WDR45: variants seen among roughly 807,000 people sequenced by gnomAD.
WDR45 encodes the protein WD repeat domain phosphoinositide-interacting protein 4.
Under a neutral mutation model 27.3 loss-of-function variants are expected in WDR45, and 2 were observed. The ratio of observed to expected loss-of-function variants is 0.07; its 90% CI spans 0.03 to 0.23. The LOEUF is 0.23. Among genes scored for constraint, WDR45 ranks in the 10% least tolerant of loss-of-function variants. WDR45 has a pLI of 1.00. For missense variants in WDR45, 175 were observed against 311.9 expected, an observed-to-expected ratio of 0.56 and a Z score of 3.31; for synonymous variants, 99 against 119.2, an observed-to-expected ratio of 0.83 and a Z score of 1.11.
chrX:49,074,953 G>C, intron 10 of WDR45, 41 bp from the exon 11 acceptor site: 1 of 1,144,771 alleles, frequency 8.7e-7, no homozygotes, highest in Non-Finnish European at 1.2e-6. Flanking sequence ...GGCTGCCACA[G>C]CCACAGGCTC....
chrX:49,090,875 C>T (rs1476735143), intron 2 of WDR45, among the ~76,000 whole-genome samples: 5 of 107,258 alleles, frequency 4.7e-5, no homozygotes, highest in Non-Finnish European at 7.7e-5. Flanking sequence ...GCTCTGTCAC[C>T]CACACTGAAG....
intron 2 of WDR45, among the ~76,000 whole-genome samples, chrX:49,097,569 C>G (rs1363685585): frequency 9.1e-6 from 1 of 110,109 alleles, no homozygotes; most frequent in Non-Finnish European, 1.9e-5. Context: ...CTCAGGTGAT[C>G]TGCCCGCCTC....
upstream of WDR45, among the ~76,000 whole-genome samples, chrX:49,083,171 C>T (rs2065074383): frequency 9.1e-6 from 1 of 110,012 alleles, no homozygotes; most frequent in African/African-American, 3.3e-5. Flanking sequence ...AGCCACCGCG[C>T]CCAGCCTAAT....
intron 2 of WDR45, among the ~76,000 whole-genome samples, chrX:49,093,353 G>A (rs2065113862): frequency 9.0e-6 from 1 of 110,502 alleles, no homozygotes; most frequent in South Asian, 3.8e-4. Context: ...CACGACCTCA[G>A]CTCACTGCAA....
chrX:49,093,516 C>G (rs902382652), intron 2 of WDR45, among the ~76,000 whole-genome samples: 2 of 106,284 alleles, frequency 1.9e-5, no homozygotes, highest in Non-Finnish European at 3.9e-5. Context: ...CGTGAGCCAC[C>G]ACAATCAGCC....
At position 49,076,514 on chromosome X, in the gene WDR45, C is replaced by T. The variant is rs782302447; in HGVS notation, c.352G>A (p.Val118Met). 15 of 1,211,942 alleles carry T rather than the reference C, an allele frequency of 1.2e-5. No individual in the cohort carries two copies. The highest frequency in any genetic ancestry group is 1.8e-5 in the South Asian group (1 of 57,029). Residue 118 changes from valine to methionine, a missense_variant, in exon 6 of 11, where the codon GTG becomes ATG. Physicochemically the swap from Val to Met is conservative, Grantham distance 21. Around this residue, in one of 3 missense-constraint regions of WDR45, gnomAD observed 102 missense variants for 165.4 expected, o/e 0.62. Transcript: ENST00000376372. The stretch of plus-strand genomic sequence containing the variant: ...TACACATAGATGCGGTTCTTCAGCA[C>T]GATCACGATCCTGTGGGTATCACAC... ...VRMRHDKIVIVLKNRIYVYSF... is the reference protein window; with the variant it reads ...VRMRHDKIVIMLKNRIYVYSF...
chrX:49,097,645 GTATTAT>G lies in WDR45; in HGVS notation c.-18+2554_-18+2559del, dbSNP rs112510291. 6.5e-3 allele frequency among the ~76,000 whole-genome samples: 584 copies of G among 89,461 alleles called. 3 individuals are homozygous for G. The highest frequency in any genetic ancestry group is 0.021 in the African/African-American group (548 of 25,835). The allele number at this position is 89,461 out of a possible 115,157, so 77.7% of individuals were successfully genotyped here. ...GCCTGGCCTCCCCCAGCTAATTTTT[GTATTAT>G]TATTATTATTATTTTTTTTTTTGAG... is the stretch of plus-strand genomic sequence containing the variant. On this transcript the variant is annotated intron_variant, in intron 2 of 11. Transcript: ENST00000356463.
In WDR45 at chrX:49,077,926, G is replaced by A; in HGVS notation, c.56-15C>T. ...GCAAAAGCAGCCTGGGGGATGGAAGGAATCCAGACTGCCTTAAAGAATGCC... is the reference window on the plus strand; with the variant it reads ...GCAAAAGCAGCCTGGGGGATGGAAGAAATCCAGACTGCCTTAAAGAATGCC... On this transcript the variant is annotated splice_polypyrimidine_tract_variant and intron_variant, in intron 2 of 10. Transcript: ENST00000376372. The A allele has an allele frequency of 8.3e-7, 1 of 1,211,719 alleles. No homozygotes were observed. The highest frequency in any genetic ancestry group is 1.1e-6 in the Non-Finnish European group (1 of 895,265).
At chrX:49,090,610 T>C (rs1005515339) in intron 2 of WDR45, among the ~76,000 whole-genome samples, 37 of 111,418 alleles carry the variant, frequency 3.3e-4, no homozygotes, top group African/African-American at 1.0e-3. Context: ...CGATCTCAGC[T>C]CACTGCAACC....
chrX:49,085,909 T>C (rs2065084764), intron 2 of WDR45, among the ~76,000 whole-genome samples: 1 of 112,401 alleles, frequency 8.9e-6, no homozygotes, highest in Non-Finnish European at 1.9e-5. Flanking sequence ...TAGTAATCTG[T>C]GGAAAGTTGG....
At chrX:49,099,093 G>C (rs1377989897) in intron 2 of WDR45, among the ~76,000 whole-genome samples, 1 of 111,929 alleles carries the variant, frequency 8.9e-6, no homozygotes, top group East Asian at 2.8e-4. Context: ...GGAGGCCCAG[G>C]TGGGTGGATT....
In WDR45 at chrX:49,099,798, A is replaced by AAAC. The variant is rs2065139175; in HGVS notation, c.-18+406_-18+407insGTT. Reference sequence around the variant, plus strand: ...TATGTCTCAAAAAAAAAAAAACAAAAAAAAACAAAAAAAAACACACAGTGT... The same window carrying AAAC: ...TATGTCTCAAAAAAAAAAAAACAAAAAACAAAAACAAAAAAAAACACACAGTGT... On this transcript the variant is annotated intron_variant, in intron 2 of 11. Transcript: ENST00000356463. Among the ~76,000 whole-genome samples the AAAC allele has an allele frequency of 8.1e-5, 8 of 99,113 alleles. No individual in the cohort carries two copies. In the South Asian group the frequency reaches 3.5e-3, roughly 44 times the overall value. The allele number at this position is 99,113 out of a possible 115,157, so 86.1% of individuals were successfully genotyped here. A position where few individuals can be genotyped will look rare whatever the true frequency, so the allele number is the denominator to read the frequency against.
At chrX:49,078,721 G>A (rs971977594) in intron 1 of WDR45, among the ~76,000 whole-genome samples, 2 of 112,141 alleles carry the variant, frequency 1.8e-5, no homozygotes, top group South Asian at 3.6e-4. Context: ...GGGTGCCCCC[G>A]TGATATCTCC....
intron 2 of WDR45, among the ~76,000 whole-genome samples, chrX:49,098,230 C>T (rs891563260): frequency 9.9e-5 from 11 of 110,733 alleles, no homozygotes; most frequent in Non-Finnish European, 1.7e-4. Flanking sequence ...CATGGAGGCT[C>T]ATGCCTGTAA....
intron 2 of WDR45, among the ~76,000 whole-genome samples, chrX:49,086,636 C>T (rs1035451410): frequency 2.7e-5 from 3 of 110,901 alleles, no homozygotes; most frequent in Non-Finnish European, 5.7e-5. Context: ...CTCTGTCGCC[C>T]AGGCTGGAGT....
chrX:49,083,143 G>T (rs971008573), upstream of WDR45, among the ~76,000 whole-genome samples: 4 of 110,352 alleles, frequency 3.6e-5, no homozygotes, highest in Admixed American at 9.7e-5. Context: ...CTCCCAAAGT[G>T]CTGGGATTAC....
chrX:49,084,053 CTTTTTTTT>C (rs1173932347), upstream of WDR45, among the ~76,000 whole-genome samples: 1 of 74,903 alleles, frequency 1.3e-5, no homozygotes, highest in African/African-American at 4.8e-5. Flanking sequence ...TTTCTTTTTT[CTTTTTTTT>C]TTTTTTTTGA....
At chrX:49,079,537 T>G (rs1557084786) in intron 1 of WDR45, 1 of 111,526 alleles carries the variant, frequency 9.0e-6, no homozygotes, top group African/African-American at 3.3e-5. Context: ...TGCCTCATGC[T>G]CTTTCTTTGG....
upstream of WDR45, among the ~76,000 whole-genome samples, chrX:49,083,367 A>G (rs1435124736): frequency 1.1e-5 from 1 of 88,541 alleles, no homozygotes; most frequent in Non-Finnish European, 2.1e-5. Context: ...CTCCACTTGT[A>G]TCAAACTTCC....
Sources: allele counts gnomAD v4.1 joint callset (sites outside exome capture counted in the v4.1 genomes callset), GRCh38; gene constraint gnomAD v4.1.1; regional missense constraint gnomAD v4.1.1; transcripts MANE v1.5; gene names NCBI Gene and HGNC (gene_info 2026-07-23, HGNC 2026-07-21).